The following TMTC2 variants were observed in gnomAD, a reference collection of about 807,000 sequenced individuals.
TMTC2 encodes transmembrane O-mannosyltransferase targeting cadherins 2, also known as protein O-mannosyl-transferase TMTC2.
TMTC2 carries 43 observed loss-of-function variants against 82.4 expected under a neutral mutation model. That is an observed-to-expected ratio of 0.52 (90% CI 0.41 to 0.67). The LOEUF is 0.67. Ranked by LOEUF, TMTC2 falls within the 30% of genes least tolerant of loss-of-function variation. The pLI is 0.00. For synonymous variants in TMTC2, 408 were observed against 381.9 expected (o/e 1.07, Z -0.80); for missense variants, 919 against 1,012.4 (o/e 0.91, Z 1.25).
intron 11 of TMTC2, among the ~76,000 whole-genome samples, chr12:83,127,043 TATG>T (rs1376832791): frequency 2.0e-5 from 3 of 152,170 alleles, no homozygotes; most frequent in Non-Finnish European, 4.4e-5. Flanking sequence ...TGAATGCCAG[TATG>T]CAGCCTTCCT....
chr12:82,767,575 ACT>A (rs947552327), intron 1 of TMTC2, among the ~76,000 whole-genome samples: 1 of 151,664 alleles, frequency 6.6e-6, no homozygotes, highest in Non-Finnish European at 1.5e-5. Context: ...ATGGAGTGAG[ACT>A]CTGTCTCAAA....
intron 3 of TMTC2, among the ~76,000 whole-genome samples, chr12:82,909,095 A>C (rs1356082065): frequency 6.6e-6 from 1 of 152,200 alleles, no homozygotes; most frequent in Non-Finnish European, 1.5e-5. Flanking sequence ...TTGTCCAAAT[A>C]GGCCAAACAG....
chr12:83,034,890 T>G (rs1019507399), intron 9 of TMTC2, among the ~76,000 whole-genome samples: 3 of 152,254 alleles, frequency 2.0e-5, no homozygotes, highest in Non-Finnish European at 4.4e-5. Context: ...CGTACTATGA[T>G]TCTCGTATCA....
intron 1 of TMTC2, among the ~76,000 whole-genome samples, chr12:82,714,671 C>T (rs1873811302): frequency 6.6e-6 from 1 of 152,066 alleles, no homozygotes; most frequent in African/African-American, 2.4e-5. Flanking sequence ...TCCTCTCTTC[C>T]TGCTGAATTC....
chr12:82,900,936 G>T, intron 3 of TMTC2, among the ~76,000 whole-genome samples: 1 of 88,152 alleles, frequency 1.1e-5, no homozygotes, highest in African/African-American at 4.9e-5. Context: ...TATATATATA[G>T]GAATATATAT....
chr12:83,064,085 T>A (rs1450103712), intron 11 of TMTC2, among the ~76,000 whole-genome samples: 1 of 151,842 alleles, frequency 6.6e-6, no homozygotes, highest in African/African-American at 2.4e-5. Context: ...TAATTCATGA[T>A]AGTTAAATGC....
chr12:83,131,860 A>G (rs930160171), intron 11 of TMTC2, among the ~76,000 whole-genome samples: 2 of 152,200 alleles, frequency 1.3e-5, no homozygotes, highest in African/African-American at 2.4e-5. Flanking sequence ...TGAAATTTTT[A>G]TAAATTCTTT....
intron 1 of TMTC2, among the ~76,000 whole-genome samples, chr12:82,763,977 GA>G (rs1270347812): frequency 1.3e-5 from 2 of 152,156 alleles, no homozygotes; most frequent in South Asian, 2.1e-4. Context: ...CTACTTGCAA[GA>G]AGACTCTAGG....
intron 4 of TMTC2, among the ~76,000 whole-genome samples, chr12:82,931,011 C>A (rs1185334600): frequency 6.6e-6 from 1 of 152,118 alleles, no homozygotes; most frequent in African/African-American, 2.4e-5. Context: ...TGAGCTCAAG[C>A]AATCCTTCTG....
chr12:83,048,253 A>G (rs1483426086), intron 9 of TMTC2, among the ~76,000 whole-genome samples: 6 of 152,210 alleles, frequency 3.9e-5, no homozygotes, highest in Non-Finnish European at 1.5e-5. Flanking sequence ...ATATTTCATT[A>G]TGCCACAGAT....
At chr12:82,819,772 G>T (rs1195465572) in intron 1 of TMTC2, among the ~76,000 whole-genome samples, 1 of 151,934 alleles carries the variant, frequency 6.6e-6, no homozygotes, top group African/African-American at 2.4e-5. Flanking sequence ...CAAAGTACTG[G>T]GATTACAGGT....
intron 4 of TMTC2, among the ~76,000 whole-genome samples, chr12:82,934,746 A>G (rs1488345730): frequency 6.6e-6 from 1 of 152,010 alleles, no homozygotes; most frequent in East Asian, 1.9e-4. Flanking sequence ...ATATACCTAG[A>G]TTGCTGGGTC....
At chr12:82,715,745 G>A (rs1051522750) in intron 1 of TMTC2, among the ~76,000 whole-genome samples, 1 of 152,098 alleles carries the variant, frequency 6.6e-6, no homozygotes, top group African/African-American at 2.4e-5. Flanking sequence ...GTAGGGATGG[G>A]GTAGGGATAT....
chr12:82,831,153 C>T (rs546547355), intron 1 of TMTC2, among the ~76,000 whole-genome samples: 10 of 152,320 alleles, frequency 6.6e-5, no homozygotes, highest in Middle Eastern at 3.4e-3. Flanking sequence ...ATTGCTTTGA[C>T]TTTGATGGCA....
chr12:82,695,479 A>T (rs780479011), intron 1 of TMTC2, among the ~76,000 whole-genome samples: 14 of 152,236 alleles, frequency 9.2e-5, no homozygotes, highest in Non-Finnish European at 1.8e-4. Context: ...ACCCAAAATT[A>T]CAAAACTGGT....
At position 82,764,655 on chromosome 12, in the gene TMTC2, G is replaced by A. The variant is rs192180750; in HGVS notation, c.83+76986G>A. Among the ~76,000 whole-genome samples the A allele has an allele frequency of 1.3e-3, 197 of 152,240 alleles. 1 individual carries two copies. Among genetic ancestry groups the A allele is most frequent in the African/African-American group, 4.5e-3 (186 of 41,550 alleles). On this transcript the variant is annotated intron_variant, in intron 1 of 11. Coordinates refer to ENST00000321196, the MANE Select transcript of TMTC2 (RefSeq NM_152588.3). ...GAGACAAGTCTCAATCATTTTAGGAGGTTTATTTGCCAAAGTTAAGGACAC... is the reference window on the plus strand; with the variant it reads ...GAGACAAGTCTCAATCATTTTAGGAAGTTTATTTGCCAAAGTTAAGGACAC...
At chr12:82,761,890 C>CTCTCTT (rs1565738807) in intron 1 of TMTC2, among the ~76,000 whole-genome samples, 2 of 151,248 alleles carry the variant, frequency 1.3e-5, no homozygotes, top group Admixed American at 6.6e-5. Flanking sequence ...TTCTTTCTCT[C>CTCTCTT]TCTTTCTTTC....
chr12:83,091,471 A>G (rs976116026), intron 11 of TMTC2, among the ~76,000 whole-genome samples: 1 of 152,146 alleles, frequency 6.6e-6, no homozygotes, highest in Non-Finnish European at 1.5e-5. Flanking sequence ...AATAGTTGCT[A>G]TACTGCCAGA....
intron 8 of TMTC2, among the ~76,000 whole-genome samples, chr12:82,999,622 A>G (rs1879826409): frequency 6.7e-6 from 1 of 150,246 alleles, no homozygotes; most frequent in Non-Finnish European, 1.5e-5. Flanking sequence ...TCAGCAGGCA[A>G]AGAGAGAGAG....
Sources: allele counts gnomAD v4.1 joint callset (sites outside exome capture counted in the v4.1 genomes callset), GRCh38; gene constraint gnomAD v4.1.1; transcripts MANE v1.5; gene names NCBI Gene and HGNC (gene_info 2026-07-23, HGNC 2026-07-21).